The following SPOCK3 variants were observed in gnomAD, a reference collection of about 807,000 sequenced individuals.
SPOCK3 encodes the protein SPARC (osteonectin), cwcv and kazal like domains proteoglycan 3.
Under a neutral mutation model 56.6 loss-of-function variants are expected in SPOCK3, and 30 were observed. The observed-to-expected ratio is 0.53, with a 90% CI of 0.40 to 0.72. The LOEUF is 0.72. Among genes scored for constraint, SPOCK3 ranks in the 30% least tolerant of loss-of-function variants. The pLI is 0.00. For synonymous variants in SPOCK3, 196 were observed against 183.3 expected, an observed-to-expected ratio of 1.07 and a Z score of -0.56; for missense variants, 527 against 530.0, an observed-to-expected ratio of 0.99 and a Z score of 0.06.
intron 4 of SPOCK3, chr4:166,918,361 T>C (rs1354090787): frequency 6.6e-6 from 1 of 152,208 alleles, no homozygotes; most frequent in Non-Finnish European, 1.5e-5. Flanking sequence ...AAGTAAGGTA[T>C]ATACTCTATG....
intron 3 of SPOCK3, chr4:167,011,151 C>A: frequency 2.7e-6 from 1 of 373,642 alleles, no homozygotes. Flanking sequence ...CTTAAGGGTT[C>A]TTGAGAGCTG....
chr4:167,021,241 G>A (rs1751143281), intron 3 of SPOCK3, among the ~76,000 whole-genome samples: 1 of 151,884 alleles, frequency 6.6e-6, no homozygotes, highest in Admixed American at 6.6e-5. Context: ...AACACAAAGT[G>A]GCTCATTAAA....
intron 4 of SPOCK3, among the ~76,000 whole-genome samples, chr4:166,991,432 C>T (rs749813987): frequency 1.3e-5 from 2 of 151,868 alleles, no homozygotes; most frequent in South Asian, 2.1e-4. Context: ...TGCAATGGCA[C>T]GATCTTGGCT....
At chr4:166,924,588 T>C (rs1272487110) in intron 4 of SPOCK3, among the ~76,000 whole-genome samples, 2 of 152,214 alleles carry the variant, frequency 1.3e-5, no homozygotes, top group African/African-American at 2.4e-5. Context: ...ATATACTACA[T>C]GCTAAGAATT....
intron 4 of SPOCK3, among the ~76,000 whole-genome samples, chr4:166,939,311 C>T (rs1398904482): frequency 6.6e-6 from 1 of 151,732 alleles, no homozygotes; most frequent in Non-Finnish European, 1.5e-5. Flanking sequence ...TTCATTTATT[C>T]TTTCCATACA....
intron 4 of SPOCK3, among the ~76,000 whole-genome samples, chr4:166,961,217 A>T (rs1744112005): frequency 6.6e-6 from 1 of 151,642 alleles, no homozygotes; most frequent in Non-Finnish European, 1.5e-5. Context: ...TTTTAAAAAA[A>T]ACCTTTAAAT....
At chr4:166,912,472 A>C in intron 5 of SPOCK3, 148 bp downstream of exon 5, 1 of 862,510 alleles carries the variant, frequency 1.2e-6, no homozygotes, top group Non-Finnish European at 1.7e-6. Flanking sequence ...TGCACATTGA[A>C]TCATATTCCA....
chr4:167,149,582 A>G (rs1764239152), intron 2 of SPOCK3, among the ~76,000 whole-genome samples: 1 of 152,062 alleles, frequency 6.6e-6, no homozygotes, highest in African/African-American at 2.4e-5. Flanking sequence ...TAATTTATAC[A>G]CTAATATTTT....
rs933596122 is a variant in SPOCK3, at chr4:167,050,329, TA to T, written c.235+12162del. Among the ~76,000 whole-genome samples, 50 of 152,190 alleles carry T rather than the reference TA, an allele frequency of 3.3e-4. 1 individual carries two copies. Among genetic ancestry groups the T allele is most frequent in the Non-Finnish European group, 7.4e-5 (5 of 68,020 alleles). On this transcript the variant is annotated intron_variant, in intron 3 of 10. Transcript: ENST00000357545. The stretch of plus-strand genomic sequence containing the variant: ...CCTATGATTCTCTACTATACCTGCA[TA>T]AAATAACAAATTTTGGAGTTTGAAA...
At chr4:167,182,546 CTT>C (rs890701339) in intron 2 of SPOCK3, among the ~76,000 whole-genome samples, 1 of 145,396 alleles carries the variant, frequency 6.9e-6, no homozygotes. Flanking sequence ...TTTTCATGTT[CTT>C]TTTTTTTTTC....
chr4:166,926,445 C>A (rs1038779779), intron 4 of SPOCK3, among the ~76,000 whole-genome samples: 3 of 152,070 alleles, frequency 2.0e-5, no homozygotes, highest in Non-Finnish European at 4.4e-5. Flanking sequence ...TTGGTATTTT[C>A]TTCAGGCTAT....
At chr4:167,011,379 C>T in intron 3 of SPOCK3, 1 of 445,846 alleles carries the variant, frequency 2.2e-6, no homozygotes. Context: ...AAATACTTTC[C>T]TTTTCTATTC....
rs150438916 is a variant in SPOCK3, at chr4:167,216,790, G to GA, written c.189+17194dup. Among the ~76,000 whole-genome samples the GA allele has an allele frequency of 5.1e-3, 779 of 152,094 alleles. 2 individuals carry two copies. The highest frequency in any genetic ancestry group is 0.017 in the African/African-American group (726 of 41,500). ...TTTTTTGTATATCTAAGTATTTTCT[G>GA]AAAAAGTAACCATAGATATCCTCAA... On this transcript the variant is annotated intron_variant, in intron 2 of 10. Transcript: ENST00000357545.
chr4:167,160,281 C>A (rs1056331273), intron 2 of SPOCK3, among the ~76,000 whole-genome samples: 4 of 152,096 alleles, frequency 2.6e-5, no homozygotes, highest in Admixed American at 6.6e-5. Flanking sequence ...TGAGTGAACT[C>A]CCATTCACAA....
chr4:166,769,892 C>T (rs910886457), intron 7 of SPOCK3, among the ~76,000 whole-genome samples: 3 of 152,182 alleles, frequency 2.0e-5, no homozygotes, highest in South Asian at 4.1e-4. Context: ...CAATGGCAGG[C>T]GCCCCTCCCC....
chr4:166,775,188 A>G (rs1007002708), intron 7 of SPOCK3, among the ~76,000 whole-genome samples: 2 of 151,978 alleles, frequency 1.3e-5, no homozygotes, highest in Non-Finnish European at 1.5e-5. Context: ...GTCACTGCAG[A>G]AAAAAAATGA....
At chr4:166,811,998 T>C (rs1055045789) in intron 6 of SPOCK3, among the ~76,000 whole-genome samples, 1 of 151,886 alleles carries the variant, frequency 6.6e-6, no homozygotes, top group Non-Finnish European at 1.5e-5. Context: ...TAAAGATCTG[T>C]GTTTTGCTCA....
chr4:167,203,591 A>T (rs2110945625), intron 2 of SPOCK3, among the ~76,000 whole-genome samples: 1 of 151,988 alleles, frequency 6.6e-6, no homozygotes, highest in Admixed American at 6.6e-5. Context: ...AAGGTAAAGC[A>T]ATGAGGAACC....
intron 2 of SPOCK3, among the ~76,000 whole-genome samples, chr4:167,130,536 G>C (rs1427628): frequency 1 from 152,202 of 152,302 alleles, 76,051 homozygotes; most frequent in Middle Eastern, 1. Context: ...ATTTGTGAAA[G>C]TTAAAATAAA....
Sources: gnomAD v4.1 joint callset for allele counts (sites outside exome capture counted in the v4.1 genomes callset) on GRCh38, gnomAD v4.1.1 for gene constraint, MANE v1.5 for transcripts, NCBI Gene and HGNC (gene_info 2026-07-23, HGNC 2026-07-21) for gene names.